Variants in QTMAN observed in about 807,000 individuals in gnomAD.
QTMAN encodes tRNA-queuosine alpha-mannosyltransferase.
the QTMAN span, among the ~76,000 whole-genome samples, chr2:144,047,288 A>T: frequency 6.6e-6 from 1 of 151,856 alleles, no homozygotes; most frequent in Non-Finnish European, 1.5e-5. Flanking sequence ...ATAAAAAAAT[A>T]AAAAAAGACT....
chr2:144,006,474 G>A, the QTMAN span: 1 of 152,088 alleles, frequency 6.6e-6, no homozygotes, highest in Non-Finnish European at 1.5e-5. Flanking sequence ...GCCACATGCA[G>A]ATTAAACTAA....
the QTMAN span, among the ~76,000 whole-genome samples, chr2:143,990,189 C>G: frequency 2.6e-5 from 4 of 151,824 alleles, no homozygotes; most frequent in African/African-American, 9.7e-5. Flanking sequence ...CCTGGCTGCA[C>G]AGTAGAGTTG....
the QTMAN span, chr2:144,006,374 G>A: frequency 6.6e-6 from 1 of 151,984 alleles, no homozygotes; most frequent in Non-Finnish European, 1.5e-5. Context: ...ACCTGCAAAC[G>A]GTTGCTCTCA....
At chr2:143,994,139 G>T in the QTMAN span, among the ~76,000 whole-genome samples, 2 of 152,120 alleles carry the variant, frequency 1.3e-5, no homozygotes, top group African/African-American at 4.8e-5. Context: ...CCTATATCAG[G>T]TTTATGGATA....
chr2:144,147,747 G>C, the QTMAN span, among the ~76,000 whole-genome samples: 6 of 151,792 alleles, frequency 4.0e-5, no homozygotes, highest in African/African-American at 1.4e-4. Flanking sequence ...TTATGATGGG[G>C]AAATCTGGTA....
the QTMAN span, among the ~76,000 whole-genome samples, chr2:143,956,323 T>C: frequency 6.6e-6 from 1 of 152,118 alleles, no homozygotes; most frequent in East Asian, 1.9e-4. Flanking sequence ...ATAGAGTAAG[T>C]CAAATGGCTT....
the QTMAN span, among the ~76,000 whole-genome samples, chr2:143,992,708 A>G: frequency 6.6e-6 from 1 of 152,212 alleles, no homozygotes; most frequent in Non-Finnish European, 1.5e-5. Flanking sequence ...TCCCTCACTA[A>G]AAGCAATTCT....
At chr2:144,326,518 T>C in the QTMAN span, among the ~76,000 whole-genome samples, 1 of 134,698 alleles carries the variant, frequency 7.4e-6, no homozygotes, top group Admixed American at 8.7e-5. Context: ...ACCCGGGAGG[T>C]GGAGCTTGCA....
the QTMAN span, among the ~76,000 whole-genome samples, chr2:144,029,805 G>A: frequency 1.3e-5 from 2 of 151,956 alleles, no homozygotes; most frequent in Non-Finnish European, 2.9e-5. Flanking sequence ...GTACTGAAAA[G>A]CTTTCAAATA....
chr2:144,155,478 C>T, the QTMAN span, among the ~76,000 whole-genome samples: 7 of 152,220 alleles, frequency 4.6e-5, no homozygotes, highest in African/African-American at 1.7e-4. Context: ...ATTAATCTAT[C>T]GTACAAGACT....
chr2:144,161,952 G>C, the QTMAN span, among the ~76,000 whole-genome samples: 75 of 152,268 alleles, frequency 4.9e-4, no homozygotes, highest in Admixed American at 9.2e-4. Flanking sequence ...GTGTTACAGT[G>C]ATGTTAAACC....
At chr2:144,271,975 G>C in the QTMAN span, among the ~76,000 whole-genome samples, 1 of 152,022 alleles carries the variant, frequency 6.6e-6, no homozygotes, top group Non-Finnish European at 1.5e-5. Context: ...TAACCACTTT[G>C]CTGACATGTG....
chr2:144,012,475 G>T, the QTMAN span, among the ~76,000 whole-genome samples: 1 of 152,144 alleles, frequency 6.6e-6, no homozygotes, highest in Non-Finnish European at 1.5e-5. Context: ...AGAGGCTAGA[G>T]TACTTGCAGT....
At chr2:144,065,836 G>T in the QTMAN span, among the ~76,000 whole-genome samples, 1 of 151,404 alleles carries the variant, frequency 6.6e-6, no homozygotes, top group East Asian at 1.9e-4. Flanking sequence ...TTCAAGAGTG[G>T]TATAAAATAA....
At chr2:144,142,698 GC>G in the QTMAN span, among the ~76,000 whole-genome samples, 1 of 151,874 alleles carries the variant, frequency 6.6e-6, no homozygotes, top group Non-Finnish European at 1.5e-5. Flanking sequence ...TATTGGGCTA[GC>G]CAGAGAAATA....
the QTMAN span, among the ~76,000 whole-genome samples, chr2:144,257,052 T>C: frequency 1.4e-5 from 2 of 142,150 alleles, no homozygotes; most frequent in African/African-American, 2.6e-5. Flanking sequence ...TTTTTAAAGA[T>C]GAGCAGAAGA....
At chr2:144,238,272 T>C in the QTMAN span, among the ~76,000 whole-genome samples, 1 of 152,228 alleles carries the variant, frequency 6.6e-6, no homozygotes, top group African/African-American at 2.4e-5. Context: ...TCAAATTTTG[T>C]AGTGAAGGCA....
chr2:144,023,168 C>G, the QTMAN span, among the ~76,000 whole-genome samples: 6,159 of 152,096 alleles, frequency 0.04, 191 homozygotes, highest in East Asian at 0.078. Flanking sequence ...CACATCAGAA[C>G]AGAAGGTTTT....
the QTMAN span, among the ~76,000 whole-genome samples, chr2:144,194,728 C>A: frequency 6.6e-6 from 1 of 152,034 alleles, no homozygotes; most frequent in African/African-American, 2.4e-5. Flanking sequence ...GATTATATGG[C>A]AAATTTAAAA....
Sources: allele counts gnomAD v4.1 joint callset (sites outside exome capture counted in the v4.1 genomes callset), GRCh38; gene constraint gnomAD v4.1.1; transcripts MANE v1.5; gene names NCBI Gene and HGNC (gene_info 2026-07-23, HGNC 2026-07-21).